TMEM273: variants seen among roughly 807,000 people sequenced by gnomAD.
TMEM273 encodes transmembrane protein 273.
In TMEM273, 19 loss-of-function variants were observed where a neutral mutation model predicts 17.9. The ratio of observed to expected loss-of-function variants is 1.06; its 90% CI spans 0.74 to 1.55. The LOEUF (loss-of-function observed/expected upper bound fraction) is 1.55. Ranked by LOEUF, TMEM273 falls within the 40% of genes most tolerant of loss-of-function variation. TMEM273 has a pLI of 0.00. For missense variants in TMEM273, 194 were observed against 155.6 expected, an observed-to-expected ratio of 1.25 and a Z score of -1.31; for synonymous variants, 66 against 62.0, an observed-to-expected ratio of 1.07 and a Z score of -0.31.
intron 4 of TMEM273, 70 bp downstream of exon 4, chr10:49,165,696 A>G: frequency 1.3e-6 from 2 of 1,594,856 alleles, no homozygotes; most frequent in South Asian, 2.2e-5. Flanking sequence ...GATGACAGGC[A>G]AGGGAGTGGC....
intron 1 of TMEM273, among the ~76,000 whole-genome samples, chr10:49,183,718 C>A (rs1424480489): frequency 2.0e-5 from 3 of 152,128 alleles, no homozygotes; most frequent in Non-Finnish European, 4.4e-5. Flanking sequence ...ATGGGCATGA[C>A]TACAATAAGA....
intron 1 of TMEM273, among the ~76,000 whole-genome samples, chr10:49,170,953 G>A (rs1846526084): frequency 6.6e-6 from 1 of 152,226 alleles, no homozygotes; most frequent in Non-Finnish European, 1.5e-5. Context: ...AGGATGGCTG[G>A]CCCTAGCAGG....
At chr10:49,165,589 C>A (rs1846125201) in intron 4 of TMEM273, among the ~76,000 whole-genome samples, 177 bp downstream of exon 4, 1 of 152,214 alleles carries the variant, frequency 6.6e-6, no homozygotes, top group South Asian at 2.1e-4. Context: ...CTTGTGACAC[C>A]TGCCCACTGG....
At chr10:49,187,530 A>T (rs1222128910) in intron 1 of TMEM273, among the ~76,000 whole-genome samples, 2 of 152,178 alleles carry the variant, frequency 1.3e-5, no homozygotes, top group African/African-American at 2.4e-5. Flanking sequence ...AGGAAACAAC[A>T]GTTGATATCA....
intron 6 of TMEM273, among the ~76,000 whole-genome samples, chr10:49,158,303 CTT>C (rs112698847): frequency 1.4e-5 from 2 of 146,028 alleles, no homozygotes; most frequent in Non-Finnish European, 1.5e-5. Context: ...ATGTTTGCTT[CTT>C]TTTTTTTTTC....
chr10:49,188,332 T>C lies in TMEM273; in HGVS notation c.5A>G (p.Asn2Ser), dbSNP rs766723331. The change falls in exon 1 of 7, where the codon AAC (asparagine) becomes AGC (serine). Residue 2 changes from asparagine (N) to serine (S), a missense_variant. Coordinates refer to ENST00000374153, the MANE Select transcript of TMEM273 (RefSeq NM_001288740.3). M[N>S]LGVSMLRILF... ...GATCCTCAGCATGCTGACCCCCAAG[T>C]TCATGCTGGCGCTCTGCTCTTGGCT... 1.1e-4 allele frequency: 184 copies of C among 1,614,008 alleles called. No homozygotes were observed. The highest frequency in any genetic ancestry group is 1.5e-4 in the Non-Finnish European group (174 of 1,179,998).
intron 5 of TMEM273, among the ~76,000 whole-genome samples, 161 bp downstream of exon 5, chr10:49,165,044 G>A (rs542454302): frequency 2.6e-5 from 4 of 152,256 alleles, no homozygotes; most frequent in East Asian, 3.9e-4. Context: ...GAAGTGAAAA[G>A]GAAGACCCTA....
intron 1 of TMEM273, among the ~76,000 whole-genome samples, chr10:49,169,351 G>A (rs937721291): frequency 7.9e-5 from 12 of 152,228 alleles, no homozygotes; most frequent in Admixed American, 7.8e-4. Flanking sequence ...AACCCTGTCT[G>A]CTGACCACAC....
intron 6 of TMEM273, among the ~76,000 whole-genome samples, chr10:49,156,950 GT>G (rs1405404439): frequency 1.3e-5 from 2 of 152,306 alleles, no homozygotes; most frequent in Admixed American, 6.5e-5. Flanking sequence ...GCCGTCAGGG[GT>G]TTTTTTCTCC....
At chr10:49,162,904 GC>G (rs1845933477) in intron 5 of TMEM273, among the ~76,000 whole-genome samples, 1 of 152,214 alleles carries the variant, frequency 6.6e-6, no homozygotes, top group Non-Finnish European at 1.5e-5. Context: ...TCCTCCAAGA[GC>G]CCTGTGTGAA....
At chr10:49,163,191 G>A (rs1160903525) in intron 5 of TMEM273, among the ~76,000 whole-genome samples, 1 of 152,192 alleles carries the variant, frequency 6.6e-6, no homozygotes, top group African/African-American at 2.4e-5. Context: ...TCCCGCATCA[G>A]TGGATTTGGG....
rs72785093 is a variant in TMEM273, at chr10:49,155,358, G to A, written c.*534C>T. On this transcript the variant is annotated 3_prime_UTR_variant, in exon 7 of 7. Coordinates refer to ENST00000374153, the MANE Select transcript of TMEM273 (RefSeq NM_001288740.3). ...AGAAGGCCAGTGTTCATCATCGATAGGGCTAGAGACCATCCCGGAGTCCCC... is the reference window on the plus strand; with the variant it reads ...AGAAGGCCAGTGTTCATCATCGATAAGGCTAGAGACCATCCCGGAGTCCCC... 15,069 of 156,362 alleles carry A rather than the reference G, an allele frequency of 0.096. 864 individuals carry two copies. Among genetic ancestry groups the A allele is most frequent in the South Asian group, 0.2 (1,019 of 5,100 alleles). 9.7% of individuals were successfully genotyped at this position (156,362 alleles called of 1,614,324 possible). A position where few individuals can be genotyped will look rare whatever the true frequency, so the allele number is the denominator to read the frequency against.
intron 1 of TMEM273, among the ~76,000 whole-genome samples, chr10:49,169,662 G>A (rs549680457): frequency 1.6e-4 from 25 of 152,248 alleles, no homozygotes; most frequent in African/African-American, 5.8e-4. Flanking sequence ...ATATGACTCT[G>A]ATTTTGTCTG....
At chr10:49,165,937 T>A (rs147342689) in intron 3 of TMEM273, 141 bp from the exon 4 acceptor site, 2 of 1,044,382 alleles carry the variant, frequency 1.9e-6, no homozygotes, top group African/African-American at 3.2e-5. Context: ...TGCTATGTGA[T>A]GAAGAGGCTG....
chr10:49,163,008 A>T (rs960598167), intron 5 of TMEM273, among the ~76,000 whole-genome samples: 1 of 152,332 alleles, frequency 6.6e-6, no homozygotes, highest in East Asian at 1.9e-4. Flanking sequence ...CCCTTGGGTC[A>T]GCGGGGACTG....
intron 1 of TMEM273, among the ~76,000 whole-genome samples, chr10:49,180,163 G>C (rs377273352): frequency 1.3e-4 from 20 of 152,178 alleles, no homozygotes; most frequent in East Asian, 3.8e-4. Context: ...TGCTAGGAAA[G>C]AGTCAGGACG....
In TMEM273 at chr10:49,167,813, A is replaced by G. The variant is rs551372363; in HGVS notation, c.97+96T>C. ...CCCTTTTCCTATGCTGACAGCAGGG[A>G]ACCAATTCCAGCACTGCGGCCCTCT... On this transcript the variant is annotated intron_variant, in intron 2 of 6. Transcript: ENST00000374153. 2.8e-5 allele frequency: 42 copies of G among 1,499,118 alleles called. No homozygotes were observed. The African/African-American group carries it at 5.5e-4, about 20-fold the overall frequency. 92.9% of individuals were successfully genotyped at this position (1,499,118 alleles called of 1,614,324 possible).
At position 49,168,275 on chromosome 10, in the gene TMEM273, C is replaced by T. The variant is rs115982377; in HGVS notation, c.44-313G>A. Among the ~76,000 whole-genome samples the T allele has an allele frequency of 7.9e-3, 1,202 of 152,300 alleles. 15 individuals are homozygous for T. The highest frequency in any genetic ancestry group is 0.027 in the African/African-American group (1,139 of 41,578). The stretch of plus-strand genomic sequence containing the variant: ...CAAGGCCCTCCTTAATCCAGCATGG[C>T]TTTGGTGCTTCTAGTTCCCCACACA... On this transcript the variant is annotated intron_variant, in intron 1 of 6. Coordinates refer to ENST00000374153, the MANE Select transcript of TMEM273 (RefSeq NM_001288740.3).
chr10:49,186,804 C>G (rs956041302), intron 1 of TMEM273, among the ~76,000 whole-genome samples: 13 of 152,162 alleles, frequency 8.5e-5, no homozygotes, highest in Admixed American at 5.9e-4. Context: ...TGCCTTGGCC[C>G]AGTGATTAAA....
Sources: allele counts gnomAD v4.1 joint callset (sites outside exome capture counted in the v4.1 genomes callset), GRCh38; gene constraint gnomAD v4.1.1; transcripts MANE v1.5; gene names NCBI Gene and HGNC (gene_info 2026-07-23, HGNC 2026-07-21).